The following RETREG1 variants were observed in gnomAD, a reference collection of about 807,000 sequenced individuals.
RETREG1 encodes reticulophagy regulator 1.
A neutral mutation model predicts 54.8 loss-of-function variants in RETREG1; 44 were observed. The ratio of observed to expected loss-of-function variants is 0.80; its 90% confidence interval spans 0.63 to 1.03. The LOEUF (loss-of-function observed/expected upper bound fraction) is 1.03. Among genes scored for constraint, RETREG1 ranks in the 50% least tolerant of loss-of-function variants. RETREG1 has a pLI of 0.00. For missense variants in RETREG1, 554 were observed against 605.1 expected (o/e 0.92, Z 0.89); for synonymous variants, 217 against 238.5 (o/e 0.91, Z 0.83).
intron 3 of RETREG1, among the ~76,000 whole-genome samples, chr5:16,511,015 G>A (rs1159550953): frequency 6.6e-6 from 1 of 151,910 alleles, no homozygotes; most frequent in African/African-American, 2.4e-5. Context: ...ATATATCCCT[G>A]AGACCTGCCT....
At chr5:16,518,216 A>G (rs1740421974) in intron 3 of RETREG1, among the ~76,000 whole-genome samples, 1 of 147,984 alleles carries the variant, frequency 6.8e-6, no homozygotes, top group South Asian at 2.1e-4. Flanking sequence ...ATGTAAATAT[A>G]TTGACTATAT....
chr5:16,537,883 C>T (rs1399520194), intron 3 of RETREG1, among the ~76,000 whole-genome samples: 1 of 152,116 alleles, frequency 6.6e-6, no homozygotes, highest in Non-Finnish European at 1.5e-5. Flanking sequence ...CATGCAGGGT[C>T]CATGGCTTTG....
At chr5:16,529,973 C>T (rs574792760) in intron 3 of RETREG1, among the ~76,000 whole-genome samples, 16 of 152,312 alleles carry the variant, frequency 1.1e-4, no homozygotes, top group South Asian at 6.2e-4. Flanking sequence ...CCTTTACTCT[C>T]CACATCACTG....
At chr5:16,557,757 C>T (rs1741748491) in intron 3 of RETREG1, among the ~76,000 whole-genome samples, 2 of 152,162 alleles carry the variant, frequency 1.3e-5, no homozygotes. Context: ...CAAAGATTTA[C>T]CCAAGCACAG....
intron 3 of RETREG1, among the ~76,000 whole-genome samples, chr5:16,529,357 A>T (rs1296118491): frequency 6.6e-6 from 1 of 152,214 alleles, no homozygotes; most frequent in Non-Finnish European, 1.5e-5. Flanking sequence ...TGTCTGTGTG[A>T]GGAATGGGGA....
At chr5:16,562,114 G>A (rs1292226588) in intron 3 of RETREG1, among the ~76,000 whole-genome samples, 1 of 152,116 alleles carries the variant, frequency 6.6e-6, no homozygotes, top group African/African-American at 2.4e-5. Flanking sequence ...TCGGGAGTTC[G>A]AGATCAGCCT....
At position 16,616,888 on chromosome 5, in the gene RETREG1, TGGCGGCGAC is replaced by T. The variant is rs1743534149; in HGVS notation, c.75_83del (p.Ser26_Pro28del). On this transcript the variant is annotated inframe_deletion, in exon 1 of 9. Transcript: ENST00000306320. Reference sequence around the variant, plus strand: ...GCTCTGCGGGGGATGCCTGGGGCGGTGGCGGCGACGGCGGCGCCTGCTCCTCGGCGGCAG... The same window carrying T: ...GCTCTGCGGGGGATGCCTGGGGCGGTGGCGGCGCCTGCTCCTCGGCGGCAG... The T allele has an allele frequency of 6.7e-7, 1 of 1,484,200 alleles. No individual in the cohort carries two copies. The highest frequency in any genetic ancestry group is 2.3e-5 in the Admixed American group (1 of 43,994). The allele number at this position is 1,484,200 out of a possible 1,614,324, so 91.9% of individuals were successfully genotyped here. A position where few individuals can be genotyped will look rare whatever the true frequency, so the allele number is the denominator to read the frequency against.
chr5:16,529,364 G>A (rs891948732), intron 3 of RETREG1, among the ~76,000 whole-genome samples: 1 of 152,158 alleles, frequency 6.6e-6, no homozygotes, highest in African/African-American at 2.4e-5. Flanking sequence ...GTGAGGAATG[G>A]GGAACGTTGT....
intron 1 of RETREG1, among the ~76,000 whole-genome samples, chr5:16,595,140 T>C (rs963378297): frequency 2.6e-5 from 4 of 152,220 alleles, no homozygotes; most frequent in African/African-American, 7.2e-5. Flanking sequence ...TCCTGACTCA[T>C]GGTGAGAGTC....
At chr5:16,482,161 G>C (rs1255745764) in intron 4 of RETREG1, among the ~76,000 whole-genome samples, 4 of 151,904 alleles carry the variant, frequency 2.6e-5, no homozygotes, top group African/African-American at 7.2e-5. Context: ...AAACAGCAAG[G>C]GCCCTTGAAA....
At chr5:16,571,153 C>A (rs528032648) in intron 2 of RETREG1, among the ~76,000 whole-genome samples, 1 of 152,310 alleles carries the variant, frequency 6.6e-6, no homozygotes, top group African/African-American at 2.4e-5. Context: ...TAGTTGCCAT[C>A]AGGGAGGAGA....
chr5:16,609,811 G>T (rs899963482), intron 1 of RETREG1, among the ~76,000 whole-genome samples: 3 of 152,188 alleles, frequency 2.0e-5, no homozygotes, highest in African/African-American at 7.2e-5. Flanking sequence ...TCAAGCAATG[G>T]CCTTCATGTA....
chr5:16,507,864 T>C (rs1410925233), intron 3 of RETREG1, among the ~76,000 whole-genome samples: 3 of 152,204 alleles, frequency 2.0e-5, no homozygotes, highest in Non-Finnish European at 4.4e-5. Context: ...TATCCAAATT[T>C]CAATGGCCCC....
At chr5:16,543,667 C>G (rs1443734328) in intron 3 of RETREG1, among the ~76,000 whole-genome samples, 3 of 131,948 alleles carry the variant, frequency 2.3e-5, no homozygotes, top group Non-Finnish European at 4.8e-5. Flanking sequence ...CAGGGAGAGA[C>G]AACATCTCAA....
At chr5:16,547,873 A>G (rs78774818) in intron 3 of RETREG1, among the ~76,000 whole-genome samples, 1,687 of 152,304 alleles carry the variant, frequency 0.011, 31 homozygotes, top group Non-Finnish European at 0.01. Context: ...TTTGAAATTA[A>G]TGCTGGATAA....
intron 1 of RETREG1, among the ~76,000 whole-genome samples, chr5:16,589,975 AAAC>A (rs771215880): frequency 6.6e-6 from 1 of 152,212 alleles, no homozygotes; most frequent in South Asian, 2.1e-4. Flanking sequence ...AAGAAGAAAC[AAAC>A]AACTAAGAGT....
chr5:16,603,429 G>A (rs982722536), intron 1 of RETREG1, among the ~76,000 whole-genome samples: 1 of 152,192 alleles, frequency 6.6e-6, no homozygotes, highest in Non-Finnish European at 1.5e-5. Context: ...AAATTAACAA[G>A]CAAGACCTAG....
intron 1 of RETREG1, among the ~76,000 whole-genome samples, chr5:16,590,479 G>A (rs2126339428): frequency 6.6e-6 from 1 of 152,222 alleles, no homozygotes; most frequent in Admixed American, 6.5e-5. Context: ...AGAATCTTCA[G>A]CAAATAGCAC....
intron 3 of RETREG1, among the ~76,000 whole-genome samples, chr5:16,555,604 T>G (rs1233389664): frequency 6.6e-6 from 1 of 152,180 alleles, no homozygotes; most frequent in Admixed American, 6.5e-5. Context: ...AATTGGAAAG[T>G]GAGTTTAATT....
Sources: gnomAD v4.1 joint callset for allele counts (sites outside exome capture counted in the v4.1 genomes callset) on GRCh38, gnomAD v4.1.1 for gene constraint, MANE v1.5 for transcripts, NCBI Gene and HGNC (gene_info 2026-07-23, HGNC 2026-07-21) for gene names.